The following EIF4E variants were observed in gnomAD, a reference collection of about 807,000 sequenced individuals.
EIF4E encodes eIF-4F 25 kDa subunit.
For missense variants in EIF4E, 113 were observed against 265.6 expected, an observed-to-expected ratio of 0.43 and a Z score of 3.99; for synonymous variants, 71 against 88.5, an observed-to-expected ratio of 0.80 and a Z score of 1.11.
chr4:98,884,005 C>T (rs1390428232), intron 6 of EIF4E, among the ~76,000 whole-genome samples: 3 of 147,122 alleles, frequency 2.0e-5, no homozygotes, highest in African/African-American at 7.5e-5. Context: ...CACCACTGCA[C>T]TCTTGCCTGA....
chr4:98,921,125 C>T (rs1196847336), intron 1 of EIF4E, among the ~76,000 whole-genome samples: 6 of 152,050 alleles, frequency 3.9e-5, no homozygotes, highest in East Asian at 1.9e-4. Flanking sequence ...ACTATGTGAC[C>T]GTGGTAGAAA....
At chr4:98,886,617 A>G in intron 5 of EIF4E, 1 of 360,210 alleles carries the variant, frequency 2.8e-6, no homozygotes, top group Non-Finnish European at 5.5e-6. Flanking sequence ...TAAGAGGCTG[A>G]AGTGGGAGGA....
intron 3 of EIF4E, among the ~76,000 whole-genome samples, chr4:98,890,194 C>T (rs937840755): frequency 2.0e-5 from 3 of 152,078 alleles, no homozygotes; most frequent in Non-Finnish European, 4.4e-5. Context: ...TGAAGATGTA[C>T]ATACATATGT....
intron 6 of EIF4E, among the ~76,000 whole-genome samples, chr4:98,883,632 T>C (rs1723794415): frequency 6.6e-6 from 1 of 151,894 alleles, no homozygotes; most frequent in African/African-American, 2.4e-5. Flanking sequence ...CTCAATCTCC[T>C]GACCTTGTGA....
intron 2 of EIF4E, among the ~76,000 whole-genome samples, chr4:98,900,643 A>G (rs1005482423): frequency 2.0e-5 from 3 of 152,188 alleles, no homozygotes; most frequent in Non-Finnish European, 4.4e-5. Flanking sequence ...ACTTTCCTCT[A>G]GATTGTTACA....
At chr4:98,920,050 C>G (rs1382288826) in intron 1 of EIF4E, among the ~76,000 whole-genome samples, 1 of 152,204 alleles carries the variant, frequency 6.6e-6, no homozygotes, top group South Asian at 2.1e-4. Flanking sequence ...TCCATTATCT[C>G]AGAAAGTTCT....
At chr4:98,894,762 G>T (rs1237201748) in intron 2 of EIF4E, among the ~76,000 whole-genome samples, 4 of 152,228 alleles carry the variant, frequency 2.6e-5, no homozygotes, top group African/African-American at 9.6e-5. Flanking sequence ...TCTCCTTCAA[G>T]AATTTTTCCT....
intron 6 of EIF4E, among the ~76,000 whole-genome samples, chr4:98,881,380 T>C (rs1723686204): frequency 6.6e-6 from 1 of 152,086 alleles, no homozygotes; most frequent in Non-Finnish European, 1.5e-5. Flanking sequence ...TATTACTAAA[T>C]TACAGGAGCA....
chr4:98,881,250 C>A lies in EIF4E; in HGVS notation c.540-108G>T, dbSNP rs1037990923. ...TAGTCTTTATATTAAAAAACATAGA[C>A]TTGAGAATAAAATAGGAAATTAATT... On this transcript the variant is annotated intron_variant, in intron 6 of 6. Coordinates refer to ENST00000450253, the MANE Select transcript of EIF4E (RefSeq NM_001968.5). 5 of 1,478,240 alleles carry A rather than the reference C, an allele frequency of 3.4e-6. No homozygotes were observed. In the African/African-American group the frequency reaches 7.2e-5, roughly 21 times the overall value. The allele number at this position is 1,478,240 out of a possible 1,614,324, so 91.6% of individuals were successfully genotyped here.
At chr4:98,886,060 G>T (rs1050186308) in intron 5 of EIF4E, among the ~76,000 whole-genome samples, 3 of 152,090 alleles carry the variant, frequency 2.0e-5, no homozygotes, top group African/African-American at 7.2e-5. Flanking sequence ...GGCTAAGGCA[G>T]GATGATTGCT....
intron 6 of EIF4E, among the ~76,000 whole-genome samples, chr4:98,883,381 A>G (rs1723779545): frequency 6.7e-6 from 1 of 148,316 alleles, no homozygotes; most frequent in Admixed American, 6.9e-5. Context: ...TTAACATAAA[A>G]TTGTAAGTCA....
chr4:98,919,747 T>C (rs981060710), intron 1 of EIF4E, among the ~76,000 whole-genome samples: 11 of 151,668 alleles, frequency 7.3e-5, no homozygotes, highest in Non-Finnish European at 1.3e-4. Flanking sequence ...TTAGTAGAGA[T>C]GGGGTTTCAC....
intron 1 of EIF4E, among the ~76,000 whole-genome samples, chr4:98,923,344 CTCTT>C (rs770956424): frequency 1.3e-5 from 2 of 150,838 alleles, no homozygotes; most frequent in Admixed American, 1.3e-4. Context: ...GAGATAGGGT[CTCTT>C]TCTGTCACCC....
chr4:98,907,877 G>T (rs1243886934), intron 1 of EIF4E, among the ~76,000 whole-genome samples: 1 of 152,002 alleles, frequency 6.6e-6, no homozygotes, highest in Non-Finnish European at 1.5e-5. Context: ...CATAACTGTC[G>T]GCTACCATGA....
chr4:98,909,109 G>A (rs1724999605), intron 1 of EIF4E, among the ~76,000 whole-genome samples: 1 of 152,002 alleles, frequency 6.6e-6, no homozygotes, highest in Non-Finnish European at 1.5e-5. Context: ...TAGTAAAAAA[G>A]GCATGAATGG....
intron 1 of EIF4E, chr4:98,909,631 ACAGTATATG>A: frequency 1.4e-6 from 1 of 694,900 alleles, no homozygotes; most frequent in Non-Finnish European, 2.6e-6. Flanking sequence ...CTGCCAAAGA[ACAGTATATG>A]CAGCTTCCAA....
chr4:98,924,087 T>G (rs941256537), intron 1 of EIF4E, among the ~76,000 whole-genome samples: 2 of 151,842 alleles, frequency 1.3e-5, no homozygotes, highest in African/African-American at 2.4e-5. Context: ...GTTTATTTTT[T>G]TTTTTTTTGA....
At chr4:98,889,151 C>T (rs558172093) in intron 3 of EIF4E, among the ~76,000 whole-genome samples, 2 of 136,280 alleles carry the variant, frequency 1.5e-5, no homozygotes, top group South Asian at 4.6e-4. Context: ...GAGCTAGACT[C>T]CATCTCAAAA....
intron 1 of EIF4E, among the ~76,000 whole-genome samples, chr4:98,902,914 G>A (rs138502971): frequency 3.9e-5 from 6 of 152,244 alleles, no homozygotes; most frequent in African/African-American, 9.6e-5. Flanking sequence ...CCAATGATGC[G>A]CAGGTCTTAC....
Sources: allele counts gnomAD v4.1 joint callset (sites outside exome capture counted in the v4.1 genomes callset), GRCh38; gene constraint gnomAD v4.1.1; transcripts MANE v1.5; gene names NCBI Gene and HGNC (gene_info 2026-07-23, HGNC 2026-07-21).